Variants in NBEA observed in about 807,000 individuals in gnomAD.
The protein encoded by NBEA is neurobeachin.
A neutral mutation model predicts 343.4 loss-of-function variants in NBEA; 44 were observed. The ratio of observed to expected loss-of-function variants is 0.13; its 90% CI spans 0.10 to 0.16. The LOEUF is 0.16. Ranked by LOEUF, NBEA falls within the 10% of genes least tolerant of loss-of-function variation. NBEA has a pLI of 1.00. For missense variants in NBEA, 2,555 were observed against 3,631.3 expected (o/e 0.70, Z 7.62); for synonymous variants, 1,175 against 1,238.7 (o/e 0.95, Z 1.08).
intron 17 of NBEA, among the ~76,000 whole-genome samples, chr13:35,137,304 G>C (rs1388324713): frequency 6.6e-6 from 1 of 152,086 alleles, no homozygotes. Context: ...CAAACAATTA[G>C]CTGGGTGTGG....
chr13:35,469,836 G>T (rs1379430102), intron 40 of NBEA, among the ~76,000 whole-genome samples: 1 of 152,158 alleles, frequency 6.6e-6, no homozygotes, highest in African/African-American at 2.4e-5. Context: ...ATTTTTATTT[G>T]GAAAGGGATC....
At chr13:35,255,999 G>T (rs1032783436) in intron 34 of NBEA, among the ~76,000 whole-genome samples, 1 of 151,738 alleles carries the variant, frequency 6.6e-6, no homozygotes, top group African/African-American at 2.4e-5. Flanking sequence ...GTGTCCAGCT[G>T]TCAGTGGAAA....
At chr13:35,056,215 T>C in intron 7 of NBEA, 86 bp downstream of exon 7, 1 of 1,125,602 alleles carries the variant, frequency 8.9e-7, no homozygotes, top group Non-Finnish European at 1.1e-6. Context: ...TAAAATAGTT[T>C]GGTAGAAGCT....
At chr13:35,042,029 T>G (rs2062670672) in intron 2 of NBEA, among the ~76,000 whole-genome samples, 2 of 151,972 alleles carry the variant, frequency 1.3e-5, no homozygotes, top group Non-Finnish European at 2.9e-5. Flanking sequence ...GTAGTTCAGA[T>G]ACCAGAGAAT....
intron 48 of NBEA, among the ~76,000 whole-genome samples, chr13:35,626,522 T>A (rs2083237559): frequency 6.6e-6 from 1 of 152,226 alleles, no homozygotes; most frequent in African/African-American, 2.4e-5. Context: ...AAATCTTCCT[T>A]TAAATTATTT....
intron 47 of NBEA, among the ~76,000 whole-genome samples, chr13:35,597,825 A>G (rs2153046046): frequency 6.6e-6 from 1 of 152,248 alleles, no homozygotes; most frequent in South Asian, 2.1e-4. Context: ...GTATTGCTCA[A>G]AGCAAGTCAT....
intron 1 of NBEA, among the ~76,000 whole-genome samples, chr13:34,996,647 T>C (rs1167919987): frequency 6.6e-6 from 1 of 152,096 alleles, no homozygotes; most frequent in Non-Finnish European, 1.5e-5. Context: ...TTTTTATAAA[T>C]GAGGAAACAT....
intron 55 of NBEA, among the ~76,000 whole-genome samples, chr13:35,662,123 A>AT (rs1293559116): frequency 6.6e-6 from 1 of 152,200 alleles, no homozygotes; most frequent in Non-Finnish European, 1.5e-5. Context: ...ATACTAGTAT[A>AT]TTTTTTTATC....
At chr13:35,458,661 C>T (rs941339194) in intron 40 of NBEA, among the ~76,000 whole-genome samples, 1 of 152,078 alleles carries the variant, frequency 6.6e-6, no homozygotes, top group African/African-American at 2.4e-5. Context: ...ATACCAAAAG[C>T]TGAATTTCAA....
intron 1 of NBEA, among the ~76,000 whole-genome samples, chr13:34,960,510 A>G (rs2059628476): frequency 1.3e-5 from 2 of 152,078 alleles, no homozygotes; most frequent in African/African-American, 4.8e-5. Context: ...CTCACCACAC[A>G]ACCACTGACT....
chr13:35,319,394 T>A (rs1032723278), intron 36 of NBEA, among the ~76,000 whole-genome samples: 16 of 152,150 alleles, frequency 1.1e-4, no homozygotes, highest in Non-Finnish European at 1.2e-4. Context: ...AGTTTCCATG[T>A]AGTTGTGTGG....
At chr13:35,572,713 TTTGTTGTTGTTG>T (rs151081649) in intron 45 of NBEA, among the ~76,000 whole-genome samples, 4 of 150,260 alleles carry the variant, frequency 2.7e-5, no homozygotes, top group East Asian at 2.0e-4. Flanking sequence ...GCAAGTTGGG[TTTGTTGTTGTTG>T]TTGTTGTTGT....
chr13:35,202,652 G>T (rs773375627), intron 31 of NBEA, among the ~76,000 whole-genome samples: 1 of 151,842 alleles, frequency 6.6e-6, no homozygotes, highest in Non-Finnish European at 1.5e-5. Context: ...CACTTCTTTG[G>T]CCATCTCATC....
intron 44 of NBEA, among the ~76,000 whole-genome samples, chr13:35,566,603 C>T (rs1000610605): frequency 1.3e-5 from 2 of 152,100 alleles, no homozygotes; most frequent in Non-Finnish European, 2.9e-5. Flanking sequence ...AGAACTAAAT[C>T]CTGTGGCCAG....
Position 35,166,918 on chromosome 13 carries a change from C to T in NBEA, c.4234-2069C>T, listed in dbSNP as rs138971763. ...GATAAGTGAAAAAAGGAAACATTGG[C>T]AACGTGAAGATTACTGAAAGGAAAC... is the stretch of plus-strand genomic sequence containing the variant. On this transcript the variant is annotated intron_variant, in intron 24 of 58. Transcript: ENST00000379939. 3.0e-3 allele frequency among the ~76,000 whole-genome samples: 462 copies of T among 151,968 alleles called. 3 individuals are homozygous for T. The highest frequency in any genetic ancestry group is 0.011 in the African/African-American group (444 of 41,516).
intron 38 of NBEA, among the ~76,000 whole-genome samples, chr13:35,368,891 A>AT (rs571500454): frequency 9.2e-5 from 14 of 151,712 alleles, no homozygotes; most frequent in African/African-American, 2.4e-4. Context: ...AGTTCAGTAT[A>AT]TTTTTTTCTT....
intron 10 of NBEA, among the ~76,000 whole-genome samples, chr13:35,074,748 AG>A (rs1165214293): frequency 6.6e-6 from 1 of 152,194 alleles, no homozygotes; most frequent in Non-Finnish European, 1.5e-5. Context: ...ACATATAAAT[AG>A]TAAAAAGGTT....
intron 8 of NBEA, among the ~76,000 whole-genome samples, chr13:35,062,645 A>G (rs1277212116): frequency 6.6e-6 from 1 of 151,844 alleles, no homozygotes; most frequent in Non-Finnish European, 1.5e-5. Context: ...ATCTGTACAC[A>G]TCTCATCAGA....
chr13:35,389,829 G>C (rs561063138), intron 38 of NBEA, among the ~76,000 whole-genome samples: 14 of 151,910 alleles, frequency 9.2e-5, no homozygotes, highest in Non-Finnish European at 1.8e-4. Context: ...TTTATAAATG[G>C]CTCAACTGCT....
Sources: gnomAD v4.1 joint callset for allele counts (sites outside exome capture counted in the v4.1 genomes callset) on GRCh38, gnomAD v4.1.1 for gene constraint, MANE v1.5 for transcripts, NCBI Gene and HGNC (gene_info 2026-07-23, HGNC 2026-07-21) for gene names.